Variants in MARK3 observed in about 807,000 individuals in gnomAD.
MARK3 encodes the protein microtubule affinity regulating kinase 3, also known as MAP/microtubule affinity-regulating kinase 3.
In MARK3, 46 loss-of-function variants were observed where a neutral mutation model predicts 90.1. That is an observed-to-expected ratio of 0.51 (90% CI 0.40 to 0.65). The LOEUF (loss-of-function observed/expected upper bound fraction) is 0.65, where lower values mean the gene tolerates loss of function less well. Among genes scored for constraint, MARK3 ranks in the 30% least tolerant of loss-of-function variants. The probability of loss-of-function intolerance (pLI) is 0.00; values close to 1 mark genes in which losing one functional copy is unlikely to be tolerated. For synonymous variants in MARK3, 321 were observed against 332.6 expected (o/e 0.97, Z 0.38); for missense variants, 818 against 947.2 (o/e 0.86, Z 1.79).
At chr14:103,495,755 G>C (rs2075304179) in intron 15 of MARK3, among the ~76,000 whole-genome samples, 1 of 152,048 alleles carries the variant, frequency 6.6e-6, no homozygotes, top group Non-Finnish European at 1.5e-5. Context: ...TATTAACTGA[G>C]GTCTGTTGTC....
At chr14:103,392,055 T>C (rs2090287996) in intron 1 of MARK3, among the ~76,000 whole-genome samples, 1 of 152,164 alleles carries the variant, frequency 6.6e-6, no homozygotes, top group African/African-American at 2.4e-5. Context: ...GCTTTCCCAG[T>C]TATTTAACAG....
intron 2 of MARK3, among the ~76,000 whole-genome samples, chr14:103,408,213 G>C (rs984223302): frequency 6.6e-6 from 1 of 152,052 alleles, no homozygotes. Context: ...GTTGGCAACA[G>C]AGTCTCACTG....
At chr14:103,435,431 C>T (rs377703716) in intron 3 of MARK3, among the ~76,000 whole-genome samples, 6 of 150,036 alleles carry the variant, frequency 4.0e-5, no homozygotes, top group East Asian at 1.9e-4. Flanking sequence ...TTTTTTGAGA[C>T]GGAGTCTCGC....
At chr14:103,438,587 A>G (rs927369826) in intron 3 of MARK3, among the ~76,000 whole-genome samples, 6 of 152,202 alleles carry the variant, frequency 3.9e-5, no homozygotes, top group African/African-American at 1.2e-4. Flanking sequence ...TCATTTTAAC[A>G]CTAAATTAAT....
chr14:103,496,750 T>C (rs1214989008), intron 15 of MARK3, among the ~76,000 whole-genome samples: 1 of 152,034 alleles, frequency 6.6e-6, no homozygotes, highest in Non-Finnish European at 1.5e-5. Context: ...AGTTGGGAAA[T>C]GGGCCAGGCA....
At chr14:103,420,992 C>A (rs571989445) in intron 2 of MARK3, among the ~76,000 whole-genome samples, 1 of 152,138 alleles carries the variant, frequency 6.6e-6, no homozygotes, top group African/African-American at 2.4e-5. Flanking sequence ...GTCTTCCTAA[C>A]GCACCCTTGA....
At chr14:103,386,125 T>C in intron 1 of MARK3, 45 bp downstream of exon 1, 1 of 1,575,956 alleles carries the variant, frequency 6.3e-7, no homozygotes, top group South Asian at 1.1e-5. Flanking sequence ...CGGGGTGGCA[T>C]TCGTGCTCCT....
At chr14:103,413,072 C>G (rs547706282) in intron 2 of MARK3, among the ~76,000 whole-genome samples, 62 of 152,012 alleles carry the variant, frequency 4.1e-4, no homozygotes, top group African/African-American at 1.3e-3. Context: ...ACGGGTTTCT[C>G]CATGTTGGTC....
chr14:103,405,779 T>G (rs1201644168), intron 2 of MARK3, among the ~76,000 whole-genome samples: 1 of 148,826 alleles, frequency 6.7e-6, no homozygotes, highest in Non-Finnish European at 1.5e-5. Flanking sequence ...TTTGTATTTT[T>G]GTAGAGACGG....
Position 103,503,585 on chromosome 14 carries a change from C to T in MARK3, c.*358C>T, listed in dbSNP as rs925606772. On this transcript the variant is annotated 3_prime_UTR_variant, in exon 18 of 18. Coordinates refer to ENST00000429436, the MANE Select transcript of MARK3 (RefSeq NM_001128918.3). Reference sequence around the variant, plus strand: ...CAGCCAGTCATTACTAGTACCTCTGCGGGAGATCATCCGGTGCTAAAACAT... The same window carrying T: ...CAGCCAGTCATTACTAGTACCTCTGTGGGAGATCATCCGGTGCTAAAACAT... 1.4e-5 allele frequency: 3 copies of T among 213,372 alleles called. No homozygotes were observed. The highest frequency in any genetic ancestry group is 2.3e-5 in the African/African-American group (1 of 43,408). The allele number at this position is 213,372 out of a possible 1,614,324, so 13.2% of individuals were successfully genotyped here. A position where few individuals can be genotyped will look rare whatever the true frequency, so the allele number is the denominator to read the frequency against.
intron 1 of MARK3, among the ~76,000 whole-genome samples, chr14:103,397,633 G>T (rs7155014): frequency 6.6e-6 from 1 of 151,984 alleles, no homozygotes; most frequent in African/African-American, 2.4e-5. Context: ...CCTGAATCAA[G>T]ATTTTTTTAG....
intron 16 of MARK3, 108 bp downstream of exon 16, chr14:103,498,636 C>G (rs2075480743): frequency 2.0e-5 from 21 of 1,047,614 alleles, no homozygotes; most frequent in Non-Finnish European, 2.6e-5. Flanking sequence ...ATAAACTAAA[C>G]TTTCTGCTGA....
intron 3 of MARK3, among the ~76,000 whole-genome samples, chr14:103,445,103 T>C (rs2092961079): frequency 6.6e-6 from 1 of 152,064 alleles, no homozygotes; most frequent in African/African-American, 2.4e-5. Context: ...ATTTCTAAGG[T>C]AGCAATGTGG....
At chr14:103,416,955 T>A (rs1011406730) in intron 2 of MARK3, among the ~76,000 whole-genome samples, 1 of 151,980 alleles carries the variant, frequency 6.6e-6, no homozygotes, top group African/African-American at 2.4e-5. Context: ...ATTAGAGATG[T>A]GAGGAGGTTA....
intron 3 of MARK3, among the ~76,000 whole-genome samples, chr14:103,431,429 G>A (rs1172966268): frequency 6.6e-6 from 1 of 151,960 alleles, no homozygotes; most frequent in Non-Finnish European, 1.5e-5. Flanking sequence ...TCAGGAGTTC[G>A]AGACCAGCCT....
chr14:103,495,000 A>T (rs2075258760), intron 15 of MARK3, among the ~76,000 whole-genome samples: 1 of 152,236 alleles, frequency 6.6e-6, no homozygotes, highest in African/African-American at 2.4e-5. Context: ...CATTATATAT[A>T]TGCATATTTT....
At chr14:103,421,744 C>T in intron 2 of MARK3, among the ~76,000 whole-genome samples, 1 of 152,200 alleles carries the variant, frequency 6.6e-6, no homozygotes, top group East Asian at 1.9e-4. Context: ...CACTTGTCTT[C>T]TGGTGGCAGC....
rs1429665941 is a variant in MARK3, at chr14:103,397,079, A to G, written c.52-7997A>G. On this transcript the variant is annotated intron_variant, in intron 1 of 17. Coordinates refer to ENST00000429436, the MANE Select transcript of MARK3 (RefSeq NM_001128918.3). ...AATATGTTTCTTTTTACATTTTTTA[A>G]TGGAGCTACTAGAAAATTGAAAATT... Among the ~76,000 whole-genome samples the G allele has an allele frequency of 2.0e-5, 3 of 152,280 alleles. No individual in the cohort carries two copies. In the East Asian group the frequency reaches 5.8e-4, roughly 29 times the overall value.
chr14:103,412,522 G>T (rs1322852991), intron 2 of MARK3: 5 of 532,364 alleles, frequency 9.4e-6, no homozygotes, highest in South Asian at 9.3e-5. Flanking sequence ...CCACTTGGGG[G>T]GATATCCGTG....
Sources: gnomAD v4.1 joint callset for allele counts (sites outside exome capture counted in the v4.1 genomes callset) on GRCh38, gnomAD v4.1.1 for gene constraint, MANE v1.5 for transcripts, NCBI Gene and HGNC (gene_info 2026-07-23, HGNC 2026-07-21) for gene names.